Variants in EPHB1 observed in about 807,000 individuals in gnomAD.
EPHB1 encodes the protein ephrin type-B receptor 1.
Under a neutral mutation model 94.4 loss-of-function variants are expected in EPHB1, and 30 were observed. That is an observed-to-expected ratio of 0.32 (90% confidence interval 0.24 to 0.43). EPHB1 has a LOEUF of 0.43. EPHB1 is among the 20% of genes least tolerant of loss of function. EPHB1 has a pLI of 1.00. For missense variants in EPHB1, 1,055 were observed against 1,308.3 expected (o/e 0.81, Z 2.99); for synonymous variants, 522 against 489.1 (o/e 1.07, Z -0.89).
intron 1 of EPHB1, among the ~76,000 whole-genome samples, chr3:134,890,725 G>A (rs929807125): frequency 6.6e-6 from 1 of 152,116 alleles, no homozygotes; most frequent in African/African-American, 2.4e-5. Flanking sequence ...GATTAATTCA[G>A]GAAGAAATAA....
intron 1 of EPHB1, among the ~76,000 whole-genome samples, chr3:134,863,586 C>A (rs2037311526): frequency 6.6e-6 from 1 of 152,228 alleles, no homozygotes; most frequent in Non-Finnish European, 1.5e-5. Context: ...ACTTAACAGT[C>A]TTTTACTATA....
At chr3:135,096,843 G>A (rs560874730) in intron 3 of EPHB1, among the ~76,000 whole-genome samples, 36 of 152,266 alleles carry the variant, frequency 2.4e-4, no homozygotes, top group East Asian at 1.7e-3. Context: ...CATGCCTGTA[G>A]TGCCAGCACT....
chr3:135,074,177 G>A (rs764901897), intron 3 of EPHB1, among the ~76,000 whole-genome samples: 16 of 152,118 alleles, frequency 1.1e-4, no homozygotes, highest in South Asian at 4.1e-4. Context: ...TATAAGAAAG[G>A]CATATAAATG....
intron 12 of EPHB1, among the ~76,000 whole-genome samples, chr3:135,224,184 T>A (rs1182644891): frequency 6.6e-6 from 1 of 152,230 alleles, no homozygotes; most frequent in African/African-American, 2.4e-5. Context: ...CACTCTAAGA[T>A]ATTTGCACAA....
At chr3:135,208,105 G>T (rs1332179709) in intron 12 of EPHB1, among the ~76,000 whole-genome samples, 1 of 152,200 alleles carries the variant, frequency 6.6e-6, no homozygotes, top group Non-Finnish European at 1.5e-5. Context: ...CAGAGAGGCA[G>T]CATATACAAA....
intron 3 of EPHB1, among the ~76,000 whole-genome samples, chr3:135,022,625 A>C (rs1331269083): frequency 6.6e-6 from 1 of 152,122 alleles, no homozygotes; most frequent in African/African-American, 2.4e-5. Context: ...AAAAGTATTA[A>C]ATTTGCTGGG....
intron 3 of EPHB1, among the ~76,000 whole-genome samples, chr3:135,074,663 A>G (rs1937845791): frequency 6.6e-6 from 1 of 152,150 alleles, no homozygotes; most frequent in Non-Finnish European, 1.5e-5. Context: ...GCACTTACCT[A>G]GTCTTAGCCC....
intron 1 of EPHB1, among the ~76,000 whole-genome samples, chr3:134,885,617 T>C (rs1160262151): frequency 6.6e-6 from 1 of 152,210 alleles, no homozygotes; most frequent in Non-Finnish European, 1.5e-5. Flanking sequence ...TTTCCTTCTA[T>C]AGCATCCAAG....
intron 1 of EPHB1, among the ~76,000 whole-genome samples, chr3:134,805,330 G>T (rs545557296): frequency 6.6e-6 from 1 of 152,196 alleles, no homozygotes; most frequent in Admixed American, 6.5e-5. Context: ...AAGGAACAAG[G>T]TGTCAGTATC....
chr3:135,038,782 G>C (rs1050242782), intron 3 of EPHB1, among the ~76,000 whole-genome samples: 4 of 150,710 alleles, frequency 2.7e-5, no homozygotes, highest in African/African-American at 9.7e-5. Flanking sequence ...CCCAAAGAGT[G>C]AGCAGTAGCA....
At chr3:135,140,352 G>A (rs534116251) in intron 5 of EPHB1, among the ~76,000 whole-genome samples, 39 of 152,174 alleles carry the variant, frequency 2.6e-4, no homozygotes, top group Non-Finnish European at 3.4e-4. Context: ...AGGAGAGAAC[G>A]CCCTGTATCC....
intron 3 of EPHB1, among the ~76,000 whole-genome samples, chr3:135,074,994 G>T (rs1937858746): frequency 6.6e-6 from 1 of 152,132 alleles, no homozygotes; most frequent in Admixed American, 6.5e-5. Context: ...TTGCCTGTGT[G>T]GTTTTTCTTT....
chr3:134,926,130 C>T (rs1008094533), intron 2 of EPHB1, among the ~76,000 whole-genome samples: 1 of 152,158 alleles, frequency 6.6e-6, no homozygotes, highest in Non-Finnish European at 1.5e-5. Context: ...CAACTAGGGC[C>T]ATCGCTGTGT....
chr3:134,969,550 A>C (rs1207732705), intron 3 of EPHB1, among the ~76,000 whole-genome samples: 1 of 152,186 alleles, frequency 6.6e-6, no homozygotes, highest in Non-Finnish European at 1.5e-5. Context: ...GAAGGCCTTC[A>C]TTTAAGGAAG....
At chr3:135,133,783 CT>C (rs1940513430) in intron 5 of EPHB1, among the ~76,000 whole-genome samples, 1 of 152,170 alleles carries the variant, frequency 6.6e-6, no homozygotes, top group South Asian at 2.1e-4. Context: ...CTGATCTTTT[CT>C]CTTTATTACT....
At chr3:135,032,117 G>T (rs1014395293) in intron 3 of EPHB1, among the ~76,000 whole-genome samples, 1 of 151,912 alleles carries the variant, frequency 6.6e-6, no homozygotes, top group Non-Finnish European at 1.5e-5. Flanking sequence ...TTTCAGTCTG[G>T]AGTTTGATGT....
At chr3:134,974,807 C>G (rs374408708) in intron 3 of EPHB1, among the ~76,000 whole-genome samples, 1 of 152,136 alleles carries the variant, frequency 6.6e-6, no homozygotes, top group African/African-American at 2.4e-5. Flanking sequence ...AGTCCGCAGT[C>G]CCATGACTTC....
chr3:135,136,224 AT>A (rs1337524314), intron 5 of EPHB1, among the ~76,000 whole-genome samples: 1 of 152,088 alleles, frequency 6.6e-6, no homozygotes, highest in Non-Finnish European at 1.5e-5. Flanking sequence ...TTTTGCTATC[AT>A]TTGTTTTTTG....
At chr3:135,015,932 G>T (rs2107751394) in intron 3 of EPHB1, among the ~76,000 whole-genome samples, 1 of 152,328 alleles carries the variant, frequency 6.6e-6, no homozygotes, top group East Asian at 1.9e-4. Context: ...GATCTTGGCA[G>T]TGTCAAGGAC....
Sources: allele counts gnomAD v4.1 joint callset (sites outside exome capture counted in the v4.1 genomes callset), GRCh38; gene constraint gnomAD v4.1.1; transcripts MANE v1.5; gene names NCBI Gene and HGNC (gene_info 2026-07-23, HGNC 2026-07-21).